Variants in ZZZ3 observed in about 807,000 individuals in gnomAD.
ZZZ3 encodes the protein ZZ-type zinc finger-containing protein 3.
A neutral mutation model predicts 95.2 loss-of-function variants in ZZZ3; 22 were observed. The ratio of observed to expected loss-of-function variants is 0.23; its 90% confidence interval spans 0.17 to 0.33. The LOEUF (loss-of-function observed/expected upper bound fraction) is 0.33. Ranked by LOEUF, ZZZ3 falls within the 10% of genes least tolerant of loss-of-function variation. ZZZ3 has a pLI of 1.00. For synonymous variants in ZZZ3, 335 were observed against 358.9 expected, an observed-to-expected ratio of 0.93 and a Z score of 0.75; for missense variants, 885 against 1,066.5, an observed-to-expected ratio of 0.83 and a Z score of 2.37.
At chr1:77,612,057 T>C (rs1305989762) in intron 5 of ZZZ3, among the ~76,000 whole-genome samples, 3 of 151,956 alleles carry the variant, frequency 2.0e-5, no homozygotes, top group Non-Finnish European at 2.9e-5. Context: ...GGAAAAATGT[T>C]TGCAAATCAA....
intron 5 of ZZZ3, among the ~76,000 whole-genome samples, chr1:77,605,532 C>T (rs929711909): frequency 1.3e-5 from 2 of 152,188 alleles, no homozygotes; most frequent in Non-Finnish European, 2.9e-5. Context: ...TAAGGGAGTG[C>T]TTGCACCACC....
intron 1 of ZZZ3, among the ~76,000 whole-genome samples, chr1:77,645,033 G>A (rs1275721611): frequency 6.6e-6 from 1 of 152,002 alleles, no homozygotes; most frequent in East Asian, 1.9e-4. Flanking sequence ...AGACCAGCTT[G>A]GGTAACTTGG....
At chr1:77,635,743 T>A (rs1186378833) in intron 4 of ZZZ3, among the ~76,000 whole-genome samples, 1 of 151,996 alleles carries the variant, frequency 6.6e-6, no homozygotes, top group Non-Finnish European at 1.5e-5. Flanking sequence ...CCGTCTCTAC[T>A]AAAAATACAA....
intron 5 of ZZZ3, among the ~76,000 whole-genome samples, chr1:77,591,133 G>A (rs1177640901): frequency 6.6e-6 from 1 of 150,582 alleles, no homozygotes; most frequent in Non-Finnish European, 1.5e-5. Flanking sequence ...ACAACCAGAG[G>A]ACATAAGGTG....
chr1:77,576,212 T>A lies in ZZZ3; in HGVS notation c.2187A>T (p.Thr729=). The change falls in exon 12 of 15, where the codon ACA becomes ACT. Residue 729 remains threonine (T), a synonymous_variant. Coordinates refer to ENST00000370801, the MANE Select transcript of ZZZ3 (RefSeq NM_015534.6). ...TATTAAGAGGGTGCTGTCGTCTGCT[T>A]GTTGAAGACTAAGTAAGAAAACAAA... is the stretch of plus-strand genomic sequence containing the variant. ...NLYIYSKKSS[T]SRRQHPLNKH... 1 of 1,586,886 alleles carries A rather than the reference T, an allele frequency of 6.3e-7. No homozygotes were observed. Among genetic ancestry groups the A allele is most frequent in the East Asian group, 2.2e-5 (1 of 44,622 alleles).
At chr1:77,678,631 T>C (rs1672480595) in intron 1 of ZZZ3, among the ~76,000 whole-genome samples, 1 of 152,222 alleles carries the variant, frequency 6.6e-6, no homozygotes, top group Admixed American at 6.5e-5. Flanking sequence ...AAAACACTAT[T>C]CTACTATAGT....
intron 5 of ZZZ3, among the ~76,000 whole-genome samples, chr1:77,598,482 T>C (rs1664425215): frequency 6.6e-6 from 1 of 152,124 alleles, no homozygotes; most frequent in East Asian, 1.9e-4. Context: ...ACTGTAAATA[T>C]AAATTTATCA....
intron 1 of ZZZ3, among the ~76,000 whole-genome samples, chr1:77,658,821 T>C (rs962562897): frequency 2.0e-5 from 3 of 152,226 alleles, no homozygotes; most frequent in Non-Finnish European, 2.9e-5. Context: ...CATTTGATTA[T>C]TACCTTAAAA....
intron 1 of ZZZ3, among the ~76,000 whole-genome samples, chr1:77,647,311 GGGTTCA>G (rs1171315693): frequency 6.6e-6 from 1 of 152,110 alleles, no homozygotes; most frequent in African/African-American, 2.4e-5. Context: ...TTGAGGCCAG[GGGTTCA>G]AAACCGGCCT....
chr1:77,647,034 C>G (rs942515734), intron 1 of ZZZ3, among the ~76,000 whole-genome samples: 2 of 152,086 alleles, frequency 1.3e-5, no homozygotes, highest in Non-Finnish European at 2.9e-5. Flanking sequence ...CATCCATAGG[C>G]AAGGGTATGC....
intron 4 of ZZZ3, among the ~76,000 whole-genome samples, chr1:77,634,804 A>G (rs375152279): frequency 6.6e-6 from 1 of 152,152 alleles, no homozygotes; most frequent in South Asian, 2.1e-4. Flanking sequence ...CTCTCCCATC[A>G]AGCAGAATAA....
In ZZZ3 at chr1:77,584,515, A is replaced by ATGGAAGCCCAATATCAG; in HGVS notation, c.1644+1_1644+2insCTGATATTGGGCTTCCA. ...AAATCTTAAAAACAGTTCAATGTAT[A>ATGGAAGCCCAATATCAG]CCTTCTTCTGGAGTTTTTCCACAAA... On this transcript the variant is annotated splice_donor_variant, in intron 6 of 14. Coordinates refer to ENST00000370801, the MANE Select transcript of ZZZ3 (RefSeq NM_015534.6). LOFTEE classifies it high-confidence loss of function. The ATGGAAGCCCAATATCAG allele has an allele frequency of 6.2e-7, 1 of 1,605,586 alleles. No individual in the cohort carries two copies. Among genetic ancestry groups the ATGGAAGCCCAATATCAG allele is most frequent in the African/African-American group, 1.3e-5 (1 of 74,286 alleles).
intron 1 of ZZZ3, among the ~76,000 whole-genome samples, chr1:77,644,147 C>A (rs1669045612): frequency 6.6e-6 from 1 of 151,984 alleles, no homozygotes. Context: ...CTCAATGCAG[C>A]CTCTGCCTCC....
chr1:77,573,003 A>G (rs541866789), intron 12 of ZZZ3, among the ~76,000 whole-genome samples: 3 of 152,172 alleles, frequency 2.0e-5, no homozygotes, highest in African/African-American at 7.2e-5. Flanking sequence ...ATTTTTATCC[A>G]TACTTCAAGT....
intron 11 of ZZZ3, among the ~76,000 whole-genome samples, chr1:77,577,509 G>A (rs773442597): frequency 2.6e-5 from 4 of 152,004 alleles, no homozygotes; most frequent in Non-Finnish European, 4.4e-5. Context: ...AGCTTCCAAA[G>A]CTCGGTTAAA....
At chr1:77,663,197 C>T (rs575639354) in intron 1 of ZZZ3, among the ~76,000 whole-genome samples, 6 of 151,946 alleles carry the variant, frequency 3.9e-5, no homozygotes, top group Admixed American at 1.3e-4. Flanking sequence ...GTATGATCTT[C>T]GATTTTAAAA....
chr1:77,567,378 G>T (rs1250690624), intron 13 of ZZZ3, among the ~76,000 whole-genome samples: 1 of 152,160 alleles, frequency 6.6e-6, no homozygotes, highest in Non-Finnish European at 1.5e-5. Flanking sequence ...TGGCCAAAAT[G>T]ATGAGGGGAA....
chr1:77,565,805 A>G, intron 14 of ZZZ3, 21 bp from the exon 15 acceptor site: 1 of 1,601,572 alleles, frequency 6.2e-7, no homozygotes, highest in Non-Finnish European at 8.5e-7. Flanking sequence ...AAAAAGACAC[A>G]CATCATTACA....
intron 1 of ZZZ3, among the ~76,000 whole-genome samples, chr1:77,666,802 A>G (rs1671287664): frequency 6.6e-6 from 1 of 152,188 alleles, no homozygotes; most frequent in South Asian, 2.1e-4. Flanking sequence ...AAGGAAGAAG[A>G]TACTATTTTA....
Sources: gnomAD v4.1 joint callset for allele counts (sites outside exome capture counted in the v4.1 genomes callset) on GRCh38, gnomAD v4.1.1 for gene constraint, MANE v1.5 for transcripts, NCBI Gene and HGNC (gene_info 2026-07-23, HGNC 2026-07-21) for gene names.